Variants in ZNF678 observed in about 807,000 individuals in gnomAD.
ZNF678 encodes the protein hypothetical protein MGC42493.
ZNF678 carries 5 observed loss-of-function variants against 3.0 expected under a neutral mutation model. The observed-to-expected ratio is 1.69, with a 90% CI of 0.88 to 3.56. The LOEUF (loss-of-function observed/expected upper bound fraction) is 3.56, where lower values mean the gene tolerates loss of function less well. Ranked by LOEUF, ZNF678 falls within the 30% of genes most tolerant of loss-of-function variation. The pLI is 0.00. For missense variants in ZNF678, 593 were observed against 605.0 expected, an observed-to-expected ratio of 0.98 and a Z score of 0.21; for synonymous variants, 218 against 199.6, an observed-to-expected ratio of 1.09 and a Z score of -0.78.
chr1:227,639,569 G>A (rs917489885), intron 1 of ZNF678, among the ~76,000 whole-genome samples: 1 of 152,130 alleles, frequency 6.6e-6, no homozygotes, highest in African/African-American at 2.4e-5. Context: ...GGGAGAAAAA[G>A]GGTTGGGTTT....
At chr1:227,593,013 G>A (rs972766030) in intron 1 of ZNF678, among the ~76,000 whole-genome samples, 2 of 152,274 alleles carry the variant, frequency 1.3e-5, no homozygotes, top group Non-Finnish European at 2.9e-5. Context: ...CTTGTCGTGA[G>A]AGACACAAAG....
At chr1:227,575,539 C>T (rs1017295279) in intron 1 of ZNF678, among the ~76,000 whole-genome samples, 10 of 152,018 alleles carry the variant, frequency 6.6e-5, no homozygotes, top group Non-Finnish European at 5.9e-5. Flanking sequence ...ATTTGGCTCT[C>T]GGCTTGGCTG....
At chr1:227,630,023 T>C (rs1658512381) in intron 1 of ZNF678, among the ~76,000 whole-genome samples, 2 of 152,086 alleles carry the variant, frequency 1.3e-5, no homozygotes, top group African/African-American at 4.8e-5. Flanking sequence ...GTTTGCCAAG[T>C]TCACTAGGGT....
chr1:227,578,169 T>G (rs1269402484), intron 1 of ZNF678, among the ~76,000 whole-genome samples: 1 of 152,152 alleles, frequency 6.6e-6, no homozygotes, highest in Non-Finnish European at 1.5e-5. Flanking sequence ...GTCTTTAACA[T>G]TTTTCCTTTT....
intron 1 of ZNF678, among the ~76,000 whole-genome samples, chr1:227,586,723 G>A (rs1657272452): frequency 6.6e-6 from 1 of 152,146 alleles, no homozygotes; most frequent in Admixed American, 6.5e-5. Flanking sequence ...GGTGTCCAAG[G>A]TGTTTCTTCC....
At chr1:227,575,181 C>T (rs1224391148) in intron 1 of ZNF678, among the ~76,000 whole-genome samples, 2 of 152,134 alleles carry the variant, frequency 1.3e-5, no homozygotes, top group Admixed American at 6.5e-5. Context: ...TAGCATGATG[C>T]CTCCAGCTTT....
At chr1:227,583,055 G>A (rs762139837) in intron 1 of ZNF678, among the ~76,000 whole-genome samples, 1 of 152,196 alleles carries the variant, frequency 6.6e-6, no homozygotes, top group East Asian at 1.9e-4. Context: ...TAGCCTCCCT[G>A]TTAAGATTTT....
Position 227,563,654 on chromosome 1 carries a change from T to C in ZNF678, c.-234T>C, listed in dbSNP as rs1254645413. 1 of 1,317,970 alleles carries C rather than the reference T, an allele frequency of 7.6e-7. No individual in the cohort carries two copies. Among genetic ancestry groups the C allele is most frequent in the East Asian group, 5.1e-5 (1 of 19,462 alleles). The allele number at this position is 1,317,970 out of a possible 1,614,324, so 81.6% of individuals were successfully genotyped here. ...GTGACTCTGCTGCTGCAGTGTCTGGTTTCCCTGTGACCTGCAGGTACTGGG... is the reference window on the plus strand; with the variant it reads ...GTGACTCTGCTGCTGCAGTGTCTGGCTTCCCTGTGACCTGCAGGTACTGGG... On this transcript the variant is annotated 5_prime_UTR_variant, in exon 1 of 4. Transcript: ENST00000343776.
chr1:227,583,605 C>T (rs999362516), intron 1 of ZNF678, among the ~76,000 whole-genome samples: 1 of 151,158 alleles, frequency 6.6e-6, no homozygotes, highest in Non-Finnish European at 1.5e-5. Flanking sequence ...TTTATGGCTA[C>T]AATTTATTAA....
chr1:227,584,948 A>G (rs1056426272), intron 1 of ZNF678, among the ~76,000 whole-genome samples: 1 of 152,248 alleles, frequency 6.6e-6, no homozygotes, highest in Admixed American at 6.5e-5. Flanking sequence ...TGAATTTTAC[A>G]AGAAAGTTTA....
At chr1:227,578,409 A>G (rs1319762452) in intron 1 of ZNF678, among the ~76,000 whole-genome samples, 2 of 152,112 alleles carry the variant, frequency 1.3e-5, no homozygotes, top group Non-Finnish European at 2.9e-5. Context: ...ACATAACATG[A>G]TATATCTTGG....
At chr1:227,647,197 C>T (rs766766204) in intron 2 of ZNF678, among the ~76,000 whole-genome samples, 3 of 152,166 alleles carry the variant, frequency 2.0e-5, no homozygotes, top group Non-Finnish European at 4.4e-5. Flanking sequence ...GCAGAGGTTG[C>T]AGTGAGCTGA....
At chr1:227,564,826 G>A (rs1010518840) in intron 1 of ZNF678, among the ~76,000 whole-genome samples, 5 of 152,014 alleles carry the variant, frequency 3.3e-5, no homozygotes, top group Non-Finnish European at 7.4e-5. Context: ...CTGCCTCCCG[G>A]GTTCAAGCGA....
intron 1 of ZNF678, among the ~76,000 whole-genome samples, chr1:227,592,688 C>G (rs1350044307): frequency 2.0e-5 from 3 of 152,194 alleles, no homozygotes; most frequent in African/African-American, 7.2e-5. Flanking sequence ...TTAAATTGAT[C>G]TGGTATTCCT....
chr1:227,639,161 A>G (rs768707603), intron 1 of ZNF678, among the ~76,000 whole-genome samples: 1 of 152,150 alleles, frequency 6.6e-6, no homozygotes, highest in Non-Finnish European at 1.5e-5. Context: ...GCAGAGGGGC[A>G]CAGCCTGGTG....
chr1:227,567,808 A>T (rs1481713892), intron 1 of ZNF678, among the ~76,000 whole-genome samples: 1 of 151,620 alleles, frequency 6.6e-6, no homozygotes, highest in Non-Finnish European at 1.5e-5. Flanking sequence ...TTTAGGGTAC[A>T]TGTGCACAAT....
intron 1 of ZNF678, among the ~76,000 whole-genome samples, chr1:227,616,492 A>G (rs1658145926): frequency 6.6e-6 from 1 of 152,224 alleles, no homozygotes; most frequent in Non-Finnish European, 1.5e-5. Flanking sequence ...AGTAGGAAAT[A>G]AATCTGACTG....
intron 1 of ZNF678, among the ~76,000 whole-genome samples, chr1:227,629,936 G>A (rs964957077): frequency 6.6e-6 from 1 of 151,812 alleles, no homozygotes; most frequent in Non-Finnish European, 1.5e-5. Flanking sequence ...CATGACTAAA[G>A]TGATGGCCTT....
chr1:227,589,130 A>T (rs1571868521), intron 1 of ZNF678, among the ~76,000 whole-genome samples: 1 of 151,862 alleles, frequency 6.6e-6, no homozygotes, highest in East Asian at 1.9e-4. Context: ...GCCGTGCAGA[A>T]GCTCTTTAGT....
Sources: allele counts gnomAD v4.1 joint callset (sites outside exome capture counted in the v4.1 genomes callset), GRCh38; gene constraint gnomAD v4.1.1; transcripts MANE v1.5; gene names NCBI Gene and HGNC (gene_info 2026-07-23, HGNC 2026-07-21).